The following ABCA13 variants were observed in gnomAD, a reference collection of about 807,000 sequenced individuals.
The protein encoded by ABCA13 is ATP-binding cassette sub-family A member 13.
In ABCA13, 476 loss-of-function variants were observed where a neutral mutation model predicts 478.7. The ratio of observed to expected loss-of-function variants is 0.99; its 90% confidence interval spans 0.92 to 1.07. The LOEUF (loss-of-function observed/expected upper bound fraction) is 1.07, where lower values mean the gene tolerates loss of function less well. ABCA13 is among the 50% of genes least tolerant of loss of function. ABCA13 has a pLI of 0.00. For missense variants in ABCA13, 6,060 were observed against 5,910.6 expected (o/e 1.03, Z -0.83); for synonymous variants, 2,252 against 2,158.9 (o/e 1.04, Z -1.20).
At chr7:48,201,288 G>C (rs1798667979) in intron 3 of ABCA13, among the ~76,000 whole-genome samples, 2 of 152,180 alleles carry the variant, frequency 1.3e-5, no homozygotes, top group Admixed American at 1.3e-4. Flanking sequence ...GTTTCAGGAG[G>C]AGCCAAGATG....
chr7:48,504,768 A>T (rs1449212939), intron 48 of ABCA13, among the ~76,000 whole-genome samples: 1 of 152,092 alleles, frequency 6.6e-6, no homozygotes, highest in Non-Finnish European at 1.5e-5. Flanking sequence ...CTTTATAAAC[A>T]CTGTCTAATG....
intron 55 of ABCA13, among the ~76,000 whole-genome samples, chr7:48,548,510 T>C (rs1785016922): frequency 6.6e-6 from 1 of 151,396 alleles, no homozygotes; most frequent in Admixed American, 6.6e-5. Context: ...AATACAGTAC[T>C]GGGAGTGAAG....
In ABCA13 at chr7:48,273,644, G is replaced by A; in HGVS notation, c.3978G>A (p.Glu1326=). 1.2e-6 allele frequency: 2 copies of A among 1,606,404 alleles called. No homozygotes were observed. The highest frequency in any genetic ancestry group is 1.7e-6 in the Non-Finnish European group (2 of 1,175,832). ...YGEKFENIIT[E]LREAIVFLRN... ...AAAAATTTGAAAATATCATCACTGA[G>A]CTAAGAGAAGCAATAGTATTTCTTA... is the stretch of plus-strand genomic sequence containing the variant. The change falls in exon 17 of 62, where the codon GAG becomes GAA. Residue 1326 remains glutamate, a synonymous_variant. Coordinates refer to ENST00000435803, the MANE Select transcript of ABCA13 (RefSeq NM_152701.5).
chr7:48,361,135 A>T (rs1195899372), intron 31 of ABCA13, among the ~76,000 whole-genome samples: 2 of 151,734 alleles, frequency 1.3e-5, no homozygotes, highest in Admixed American at 6.6e-5. Flanking sequence ...GAATGACTTA[A>T]ATCTGCTCTG....
chr7:48,399,890 C>T (rs924664350), intron 38 of ABCA13, among the ~76,000 whole-genome samples: 3 of 152,220 alleles, frequency 2.0e-5, no homozygotes, highest in Non-Finnish European at 4.4e-5. Context: ...AGTTATAGAA[C>T]AGGATTTATG....
intron 48 of ABCA13, among the ~76,000 whole-genome samples, chr7:48,501,479 T>C (rs1830736639): frequency 6.6e-6 from 1 of 152,148 alleles, no homozygotes; most frequent in African/African-American, 2.4e-5. Context: ...ATTTACTCTA[T>C]GACAATCATG....
chr7:48,442,791 G>A lies in ABCA13; in HGVS notation c.12566-12246G>A, dbSNP rs559630072. Among the ~76,000 whole-genome samples, 9 of 152,316 alleles carry A rather than the reference G, an allele frequency of 5.9e-5. No homozygotes were observed. In the South Asian group the frequency reaches 6.2e-4, roughly 11 times the overall value. ...TTCTCAGGAGACGCTGCTAGTCCAT[G>A]CATCACATCTGGAGATACACTGCCT... On this transcript the variant is annotated intron_variant, in intron 42 of 61. Transcript: ENST00000435803.
intron 35 of ABCA13, among the ~76,000 whole-genome samples, chr7:48,377,368 C>A (rs528278006): frequency 2.0e-5 from 3 of 152,122 alleles, no homozygotes; most frequent in African/African-American, 7.2e-5. Context: ...TATTTTCTTG[C>A]TGAAATTACT....
chr7:48,251,978 G>C (rs1001980385), intron 15 of ABCA13, among the ~76,000 whole-genome samples: 3 of 152,164 alleles, frequency 2.0e-5, no homozygotes, highest in Admixed American at 2.0e-4. Context: ...ACTTTCAATA[G>C]TTTCATTATG....
At chr7:48,574,709 A>G (rs7783364) in intron 55 of ABCA13, among the ~76,000 whole-genome samples, 14,446 of 152,244 alleles carry the variant, frequency 0.095, 1,172 homozygotes, top group African/African-American at 0.22. Flanking sequence ...CCTTTTAGCC[A>G]TCACTTTCTC....
intron 20 of ABCA13, among the ~76,000 whole-genome samples, chr7:48,289,108 G>C (rs922638626): frequency 1.1e-4 from 17 of 152,100 alleles, no homozygotes; most frequent in African/African-American, 4.1e-4. Flanking sequence ...GCATGGCAAG[G>C]GTGTCGAATG....
intron 18 of ABCA13, 114 bp downstream of exon 18, chr7:48,280,034 T>C: frequency 8.7e-7 from 1 of 1,151,814 alleles, no homozygotes; most frequent in Non-Finnish European, 1.1e-6. Flanking sequence ...ACTTCAACTT[T>C]GTTTACACTC....
Position 48,273,362 on chromosome 7 carries a change from G to A in ABCA13, c.3696G>A (p.Arg1232=), listed in dbSNP as rs749399621. ...FHNWEDFLDL[R]DFLVALGNAL... is the part of the protein sequence containing the mutation. ...ATTGGGAGGACTTCCTGGATCTCAG[G>A]GATTTTTTGGTAGCTTTAGGTAATG... Residue 1232 remains arginine (R), a synonymous_variant, in exon 17 of 62, where the codon AGG becomes AGA. Transcript: ENST00000435803. 6.2e-7 allele frequency: 1 copy of A among 1,613,544 alleles called. No individual in the cohort carries two copies. Among genetic ancestry groups the A allele is most frequent in the South Asian group, 1.1e-5 (1 of 91,058 alleles).
At chr7:48,636,878 C>T (rs1453361098) in intron 59 of ABCA13, among the ~76,000 whole-genome samples, 2 of 152,140 alleles carry the variant, frequency 1.3e-5, no homozygotes, top group African/African-American at 2.4e-5. Flanking sequence ...CAGAGCCTGG[C>T]TTATCAAAGC....
chr7:48,368,600 CTCTAA>C (rs1812073324), intron 32 of ABCA13, among the ~76,000 whole-genome samples: 1 of 150,912 alleles, frequency 6.6e-6, no homozygotes, highest in Admixed American at 6.6e-5. Context: ...GAATAATAGT[CTCTAA>C]TTCCATCCAG....
intron 38 of ABCA13, among the ~76,000 whole-genome samples, chr7:48,394,382 G>A (rs183436394): frequency 1.2e-4 from 18 of 152,250 alleles, no homozygotes; most frequent in Admixed American, 2.6e-4. Context: ...CGCTGCGTTC[G>A]TGTTGTGATG....
intron 1 of ABCA13, among the ~76,000 whole-genome samples, chr7:48,174,303 T>A (rs1388973492): frequency 6.6e-6 from 1 of 150,920 alleles, no homozygotes; most frequent in African/African-American, 2.4e-5. Context: ...TTTTTTTAGC[T>A]TTTTTTTTAA....
rs1168920850 is a variant in ABCA13, at chr7:48,241,050, C to A, written c.1246C>A (p.His416Asn). ...SLSADGPKDN[H>N]TFPKILQHLW... ...GTCAGCAGATGGCCCAAAAGATAAT[C>A]ATACATTTCCAAAGATGTAAGTCGC... The change falls in exon 10 of 62, where the codon CAT becomes AAT. Residue 416 changes from histidine (H) to asparagine (N), a missense_variant. Transcript: ENST00000435803. 2 of 1,613,898 alleles carry A rather than the reference C, an allele frequency of 1.2e-6. No individual in the cohort carries two copies. Among genetic ancestry groups the A allele is most frequent in the African/African-American group, 1.3e-5 (1 of 74,944 alleles).
chr7:48,327,508 C>G (rs1804522564), intron 27 of ABCA13, among the ~76,000 whole-genome samples: 1 of 152,106 alleles, frequency 6.6e-6, no homozygotes, highest in Non-Finnish European at 1.5e-5. Flanking sequence ...GACGCTTTCC[C>G]AAGTCCTCCC....
Sources: allele counts gnomAD v4.1 joint callset (sites outside exome capture counted in the v4.1 genomes callset), GRCh38; gene constraint gnomAD v4.1.1; transcripts MANE v1.5; gene names NCBI Gene and HGNC (gene_info 2026-07-23, HGNC 2026-07-21).